DGKI: variants seen among roughly 807,000 people sequenced by gnomAD.
DGKI encodes diacylglycerol kinase iota.
In DGKI, 55 loss-of-function variants were observed where a neutral mutation model predicts 147.5. The observed-to-expected ratio is 0.37, with a 90% CI of 0.30 to 0.47. The LOEUF is 0.47. Among genes scored for constraint, DGKI ranks in the 20% least tolerant of loss-of-function variants. The probability of loss-of-function intolerance (pLI) is 1.00; values close to 1 mark genes in which losing one functional copy is unlikely to be tolerated. For missense variants in DGKI, 1,007 were observed against 1,323.8 expected (o/e 0.76, Z 3.71); for synonymous variants, 469 against 477.1 (o/e 0.98, Z 0.22).
chr7:137,632,206 A>G (rs1427307725), intron 6 of DGKI, among the ~76,000 whole-genome samples: 6 of 152,186 alleles, frequency 3.9e-5, no homozygotes, highest in Non-Finnish European at 7.3e-5. Flanking sequence ...TTCCTCAATT[A>G]ATAGAATCAG....
In DGKI at chr7:137,573,110, A is replaced by C. The variant is rs77985377; in HGVS notation, c.1762-272T>G. ...TCTTCTCTGGTCTCACAATCAAAGG[A>C]AATATTATCATTCTTAACAATGGAT... is the stretch of plus-strand genomic sequence containing the variant. On this transcript the variant is annotated intron_variant, in intron 17 of 32. Transcript: ENST00000614521. 2.8e-3 allele frequency among the ~76,000 whole-genome samples: 432 copies of C among 152,308 alleles called. 3 individuals are homozygous for C. Among genetic ancestry groups the C allele is most frequent in the African/African-American group, 1.0e-2 (415 of 41,558 alleles).
chr7:137,810,039 T>C (rs1007056631), intron 1 of DGKI, among the ~76,000 whole-genome samples: 3 of 152,200 alleles, frequency 2.0e-5, no homozygotes, highest in Admixed American at 6.5e-5. Context: ...CCTCATATAT[T>C]TCTGTTTGCT....
chr7:137,613,129 G>A (rs184863543), intron 8 of DGKI, among the ~76,000 whole-genome samples: 133 of 152,112 alleles, frequency 8.7e-4, no homozygotes, highest in African/African-American at 3.0e-3. Flanking sequence ...TTAATCTTCA[G>A]GGATTTTTCC....
intron 6 of DGKI, among the ~76,000 whole-genome samples, chr7:137,644,304 C>A (rs979334939): frequency 6.6e-6 from 1 of 152,214 alleles, no homozygotes; most frequent in Non-Finnish European, 1.5e-5. Flanking sequence ...AGAGAACCAA[C>A]TGAGAGCCAC....
At chr7:137,493,206 A>G (rs555923234) in intron 21 of DGKI, among the ~76,000 whole-genome samples, 7 of 152,024 alleles carry the variant, frequency 4.6e-5, no homozygotes, top group African/African-American at 1.7e-4. Context: ...TCCCTGCCCT[A>G]TGTTGCCATT....
chr7:137,663,523 G>T (rs1382035597), intron 3 of DGKI, among the ~76,000 whole-genome samples: 1 of 152,206 alleles, frequency 6.6e-6, no homozygotes, highest in Non-Finnish European at 1.5e-5. Context: ...GACCTGCTTT[G>T]GCATGTCCAC....
chr7:137,435,184 A>G (rs1389841174), intron 28 of DGKI, among the ~76,000 whole-genome samples: 1 of 152,250 alleles, frequency 6.6e-6, no homozygotes, highest in Non-Finnish European at 1.5e-5. Flanking sequence ...GCCAGGGCAC[A>G]GCACAGAATA....
chr7:137,846,954 C>A lies in DGKI; in HGVS notation c.-92G>T. ...GGCCGCCGCTCCCCGCCTCCCGCGC[C>A]CTCCCGCGCCGGCCCGCACCCTCCA... On this transcript the variant is annotated 5_prime_UTR_variant, in exon 1 of 33. Coordinates refer to ENST00000614521, the MANE Select transcript of DGKI (RefSeq NM_001321708.2). This position sits in a 1 kb window ranked among gnomAD's most constrained non-coding sequence, Gnocchi z 4.0. The A allele has an allele frequency of 1.0e-6, 1 of 968,622 alleles. No homozygotes were observed. The highest frequency in any genetic ancestry group is 1.2e-6 in the Non-Finnish European group (1 of 804,418). 60.0% of individuals were successfully genotyped at this position (968,622 alleles called of 1,614,324 possible).
intron 20 of DGKI, chr7:137,545,964 T>G (rs1817851672): frequency 1.4e-6 from 1 of 702,344 alleles, no homozygotes; most frequent in South Asian, 1.5e-5. Context: ...TGATGAATAC[T>G]AGAGGCAGCA....
rs566049666 is a variant in DGKI, at chr7:137,722,562, A to G, written c.402-32560T>C. On this transcript the variant is annotated intron_variant, in intron 1 of 32. Transcript: ENST00000614521. ...TTCCTCTACGAAGAACACACCAGAA[A>G]TTTGTCATTGCCACCTCAACCAAAA... 30 of 1,593,782 alleles carry G rather than the reference A, an allele frequency of 1.9e-5. No individual in the cohort carries two copies. The African/African-American group carries it at 3.1e-4, about 16-fold the overall frequency.
intron 2 of DGKI, among the ~76,000 whole-genome samples, chr7:137,684,656 G>A (rs6980004): frequency 0.017 from 2,552 of 152,322 alleles, 35 homozygotes; most frequent in South Asian, 0.042. Context: ...AATTAAGGTC[G>A]ATTTGTCCCT....
intron 32 of DGKI, among the ~76,000 whole-genome samples, chr7:137,393,990 T>C (rs1585071245): frequency 6.6e-6 from 1 of 152,202 alleles, no homozygotes; most frequent in South Asian, 2.1e-4. Flanking sequence ...TTCTAAGTAA[T>C]CTATGTATGT....
At chr7:137,434,257 A>G (rs934373880) in intron 28 of DGKI, among the ~76,000 whole-genome samples, 1 of 152,174 alleles carries the variant, frequency 6.6e-6, no homozygotes, top group African/African-American at 2.4e-5. Context: ...AAGCAACCCA[A>G]TGCAATGCTG....
At chr7:137,608,824 G>C (rs1034606201) in intron 10 of DGKI, 142 bp downstream of exon 10, 8 of 665,522 alleles carry the variant, frequency 1.2e-5, no homozygotes, top group South Asian at 1.9e-5. Flanking sequence ...AAAGCTATCA[G>C]AGAAACAATA....
intron 21 of DGKI, among the ~76,000 whole-genome samples, chr7:137,495,855 A>G (rs1340598891): frequency 1.3e-5 from 2 of 152,196 alleles, no homozygotes. Flanking sequence ...CCAACATCAT[A>G]CTGAATGGGT....
At chr7:137,534,221 T>A (rs1817440762) in intron 20 of DGKI, among the ~76,000 whole-genome samples, 1 of 152,110 alleles carries the variant, frequency 6.6e-6, no homozygotes, top group Admixed American at 6.6e-5. Flanking sequence ...GAGGATAATG[T>A]CAGTTCTTAT....
In DGKI at chr7:137,620,031, A is replaced by G. The variant is rs867168109; in HGVS notation, c.877-91T>C. 1.7e-3 allele frequency: 1,226 copies of G among 739,248 alleles called. 12 individuals carry two copies. In the African/African-American group the frequency reaches 0.017, roughly 11 times the overall value. 45.8% of individuals were successfully genotyped at this position (739,248 alleles called of 1,614,324 possible). A position where few individuals can be genotyped will look rare whatever the true frequency, so the allele number is the denominator to read the frequency against. ...AATATGTACACACGCACACACACAC[A>G]CACACACACACACACACACACACTC... On this transcript the variant is annotated intron_variant, in intron 7 of 32. Coordinates refer to ENST00000614521, the MANE Select transcript of DGKI (RefSeq NM_001321708.2).
At chr7:137,839,505 T>C (rs1161758971) in intron 1 of DGKI, among the ~76,000 whole-genome samples, 1 of 152,218 alleles carries the variant, frequency 6.6e-6, no homozygotes, top group Non-Finnish European at 1.5e-5. Context: ...TTGTGACTCA[T>C]TTAAATGTCA....
In DGKI at chr7:137,633,883, C is replaced by T. The variant is rs564561981; in HGVS notation, c.805-10329G>A. Among the ~76,000 whole-genome samples, 7 of 152,284 alleles carry T rather than the reference C, an allele frequency of 4.6e-5. No individual in the cohort carries two copies. In the South Asian group the frequency reaches 1.2e-3, roughly 27 times the overall value. ...TATCCAGATCTAATGCAAAGGAACC[C>T]GAACTGTGTGAACATTCTGTAGAAC... On this transcript the variant is annotated intron_variant, in intron 6 of 32. Coordinates refer to ENST00000614521, the MANE Select transcript of DGKI (RefSeq NM_001321708.2).
Sources: gnomAD v4.1 joint callset for allele counts (sites outside exome capture counted in the v4.1 genomes callset) on GRCh38, gnomAD v4.1.1 for gene constraint, Gnocchi (gnomAD v3.1) non-coding constraint, MANE v1.5 for transcripts, NCBI Gene and HGNC (gene_info 2026-07-23, HGNC 2026-07-21) for gene names.